The following ARHGAP26 variants were observed in gnomAD, a reference collection of about 807,000 sequenced individuals.
ARHGAP26 encodes Rho GTPase activating protein 26.
ARHGAP26 carries 38 observed loss-of-function variants against 104.8 expected under a neutral mutation model. That is an observed-to-expected ratio of 0.36 (90% confidence interval 0.28 to 0.48). The LOEUF is 0.48. Among genes scored for constraint, ARHGAP26 ranks in the 20% least tolerant of loss-of-function variants. The pLI, the probability that ARHGAP26 is intolerant of heterozygous loss-of-function variation, is 0.99. For synonymous variants in ARHGAP26, 341 were observed against 340.0 expected, an observed-to-expected ratio of 1.00 and a Z score of -0.03; for missense variants, 704 against 947.9, an observed-to-expected ratio of 0.74 and a Z score of 3.38.
intron 1 of ARHGAP26, among the ~76,000 whole-genome samples, chr5:142,783,873 C>T (rs1758008595): frequency 2.0e-5 from 3 of 152,364 alleles, no homozygotes; most frequent in African/African-American, 4.8e-5. Flanking sequence ...GCATTTGTAT[C>T]TGACTAGTGC....
intron 14 of ARHGAP26, among the ~76,000 whole-genome samples, chr5:143,045,582 A>C (rs1274206085): frequency 6.6e-6 from 1 of 152,218 alleles, no homozygotes; most frequent in African/African-American, 2.4e-5. Context: ...GGCCGAGTGA[A>C]CCTTTCATTA....
intron 14 of ARHGAP26, among the ~76,000 whole-genome samples, chr5:143,054,092 T>C (rs1248453627): frequency 1.3e-5 from 2 of 152,206 alleles, no homozygotes; most frequent in Non-Finnish European, 2.9e-5. Context: ...TCTCGTGCCT[T>C]ATCTTATTTT....
chr5:143,094,849 G>A (rs1163061827), intron 17 of ARHGAP26, among the ~76,000 whole-genome samples: 2 of 152,112 alleles, frequency 1.3e-5, no homozygotes, highest in African/African-American at 4.8e-5. Context: ...GCAGGTAATG[G>A]GAATGAGTCG....
intron 1 of ARHGAP26, among the ~76,000 whole-genome samples, chr5:142,793,354 G>A (rs879566724): frequency 1.3e-5 from 2 of 149,084 alleles, no homozygotes; most frequent in South Asian, 4.2e-4. Flanking sequence ...AATACTGATG[G>A]TGAGTCTTAG....
intron 20 of ARHGAP26, among the ~76,000 whole-genome samples, chr5:143,183,134 G>A (rs1427116509): frequency 6.6e-6 from 1 of 151,766 alleles, no homozygotes; most frequent in East Asian, 1.9e-4. Context: ...GGCCTGTAGG[G>A]GAATTTCGGC....
intron 19 of ARHGAP26, among the ~76,000 whole-genome samples, chr5:143,146,067 G>T (rs1179300419): frequency 6.6e-6 from 1 of 151,976 alleles, no homozygotes; most frequent in Non-Finnish European, 1.5e-5. Flanking sequence ...CCCCTGACTC[G>T]CTGCAAAAAG....
At chr5:143,210,730 G>A (rs115069354) in intron 21 of ARHGAP26, among the ~76,000 whole-genome samples, 1,959 of 152,306 alleles carry the variant, frequency 0.013, 37 homozygotes, top group African/African-American at 0.035. Context: ...ATATGATGGC[G>A]AATGGGTCAT....
chr5:142,944,267 A>G (rs1766793019), intron 11 of ARHGAP26, among the ~76,000 whole-genome samples: 1 of 152,172 alleles, frequency 6.6e-6, no homozygotes, highest in Non-Finnish European at 1.5e-5. Context: ...TTAGTAATAG[A>G]TTATTAGGCC....
chr5:143,062,404 A>C (rs1786844812), intron 17 of ARHGAP26, among the ~76,000 whole-genome samples: 1 of 152,180 alleles, frequency 6.6e-6, no homozygotes, highest in African/African-American at 2.4e-5. Context: ...TCTGTAGATC[A>C]CTGGGATTAT....
Position 142,949,232 on chromosome 5 carries a change from G to GAGAGAGAGA in ARHGAP26, c.1107+17107_1107+17108insAGAGAGAGA, listed in dbSNP as rs11369150. On this transcript the variant is annotated intron_variant, in intron 11 of 22. Transcript: ENST00000645722. ...GAGAGAGAGAGAGAGGAGAGAGAGA[G>GAGAGAGAGA]GAGAGAGAGAGAGAGAGAGAGAGAG... Among the ~76,000 whole-genome samples, 42 of 27,316 alleles carry GAGAGAGAGA rather than the reference G, an allele frequency of 1.5e-3. 10 individuals are homozygous for GAGAGAGAGA. Among genetic ancestry groups the GAGAGAGAGA allele is most frequent in the African/African-American group, 8.9e-3 (29 of 3,254 alleles). 17.9% of individuals were successfully genotyped at this position (27,316 alleles called of 152,430 possible). A position where few individuals can be genotyped will look rare whatever the true frequency, so the allele number is the denominator to read the frequency against.
At chr5:142,943,008 T>C (rs1178882962) in intron 11 of ARHGAP26, among the ~76,000 whole-genome samples, 1 of 152,248 alleles carries the variant, frequency 6.6e-6, no homozygotes, top group African/African-American at 2.4e-5. Flanking sequence ...CTCAAACTCC[T>C]GGCCTCAAGT....
intron 21 of ARHGAP26, among the ~76,000 whole-genome samples, chr5:143,211,041 A>C (rs1482622554): frequency 6.6e-6 from 1 of 152,174 alleles, no homozygotes; most frequent in African/African-American, 2.4e-5. Context: ...CTACAAATAC[A>C]ATCTCTCTGC....
rs1319294045 is a variant in ARHGAP26 at position 143,121,000 on chromosome 5, C to T, written c.1551C>T (p.Asn517=). The change falls in exon 18 of 23, where the codon AAC becomes AAT. Residue 517 remains asparagine, a synonymous_variant. Coordinates refer to ENST00000645722, the MANE Select transcript of ARHGAP26 (RefSeq NM_001135608.3). ...LMNHLANVAN[N]HKQNLMTVAN... ...TCCTTCCTCCCAGTGTTGCTAACAA[C>T]CACAAGCAGAATTTGATGACGGTGG... 6 of 1,612,698 alleles carry T rather than the reference C, an allele frequency of 3.7e-6. No homozygotes were observed. The highest frequency in any genetic ancestry group is 1.3e-5 in the African/African-American group (1 of 74,838).
intron 8 of ARHGAP26, 92 bp from the exon 9 acceptor site, chr5:142,907,612 C>A: frequency 1.4e-6 from 1 of 690,692 alleles, no homozygotes; most frequent in South Asian, 2.5e-5. Context: ...GGTAGATGAG[C>A]ATTATGAATT....
chr5:143,061,015 T>C (rs1417946754), intron 17 of ARHGAP26, among the ~76,000 whole-genome samples: 2 of 152,246 alleles, frequency 1.3e-5, no homozygotes, highest in African/African-American at 4.8e-5. Flanking sequence ...TTTCCAAGTC[T>C]TTGCAATTTG....
At chr5:142,903,459 T>G in intron 7 of ARHGAP26, 81 bp from the exon 8 acceptor site, 1 of 1,452,370 alleles carries the variant, frequency 6.9e-7, no homozygotes, top group South Asian at 1.3e-5. Context: ...ATTTTAGATC[T>G]AAGGATTCTA....
intron 9 of ARHGAP26, 132 bp downstream of exon 9, chr5:142,907,936 A>T (rs1156258207): frequency 1.3e-5 from 6 of 471,398 alleles, no homozygotes; most frequent in African/African-American, 3.0e-5. Flanking sequence ...AATTTAAAAA[A>T]TTTTTATATA....
intron 1 of ARHGAP26, among the ~76,000 whole-genome samples, chr5:142,832,702 G>T (rs1768720877): frequency 2.0e-5 from 3 of 152,168 alleles, no homozygotes; most frequent in Non-Finnish European, 4.4e-5. Context: ...CAAAATGTAA[G>T]AGCAAGACAC....
chr5:143,080,971 G>C (rs538696860), intron 17 of ARHGAP26, among the ~76,000 whole-genome samples: 1 of 152,212 alleles, frequency 6.6e-6, no homozygotes, highest in African/African-American at 2.4e-5. Context: ...TTAAAGATAA[G>C]GCCAACAGGA....
Sources: gnomAD v4.1 joint callset for allele counts (sites outside exome capture counted in the v4.1 genomes callset) on GRCh38, gnomAD v4.1.1 for gene constraint, MANE v1.5 for transcripts, NCBI Gene and HGNC (gene_info 2026-07-23, HGNC 2026-07-21) for gene names.